DIAPH3: variants seen among roughly 807,000 people sequenced by gnomAD.
DIAPH3 encodes protein diaphanous homolog 3.
In DIAPH3, 117 loss-of-function variants were observed where a neutral mutation model predicts 144.3. The ratio of observed to expected loss-of-function variants is 0.81; its 90% CI spans 0.70 to 0.95. The LOEUF is 0.95. Ranked by LOEUF, DIAPH3 falls within the 40% of genes least tolerant of loss-of-function variation. The probability of loss-of-function intolerance (pLI) is 0.00; values close to 1 mark genes in which losing one functional copy is unlikely to be tolerated. For synonymous variants in DIAPH3, 519 were observed against 488.9 expected, an observed-to-expected ratio of 1.06 and a Z score of -0.81; for missense variants, 1,421 against 1,412.7, an observed-to-expected ratio of 1.01 and a Z score of -0.09.
rs149831521 is a variant in DIAPH3, at chr13:59,756,885, A to C, written c.3319+17304T>G. 2.0e-5 allele frequency among the ~76,000 whole-genome samples: 3 copies of C among 152,340 alleles called. No homozygotes were observed. In the East Asian group the frequency reaches 5.8e-4, roughly 29 times the overall value. Reference sequence around the variant, plus strand: ...AACCTACTCAATGGCAGCATTGAAAAATCATCACAAACAGTAATAATAATT... The same window carrying C: ...AACCTACTCAATGGCAGCATTGAAACATCATCACAAACAGTAATAATAATT... On this transcript the variant is annotated intron_variant, in intron 27 of 27. Coordinates refer to ENST00000400324, the MANE Select transcript of DIAPH3 (RefSeq NM_001042517.2).
At chr13:59,952,587 G>C (rs1878375930) in intron 17 of DIAPH3, among the ~76,000 whole-genome samples, 1 of 152,090 alleles carries the variant, frequency 6.6e-6, no homozygotes, top group Non-Finnish European at 1.5e-5. Context: ...AAAAAAAGGT[G>C]AATCATTTTA....
intron 11 of DIAPH3, among the ~76,000 whole-genome samples, chr13:59,991,733 A>G (rs1241498357): frequency 6.6e-6 from 1 of 152,024 alleles, no homozygotes; most frequent in Non-Finnish European, 1.5e-5. Flanking sequence ...AGATGCAGGG[A>G]AAGAGCAGCC....
chr13:60,128,674 C>T (rs930022854), intron 2 of DIAPH3, among the ~76,000 whole-genome samples: 5 of 152,068 alleles, frequency 3.3e-5, no homozygotes, highest in African/African-American at 1.2e-4. Context: ...AATGCAAAGA[C>T]CTCATGACTT....
chr13:59,854,183 G>A (rs1294642087), intron 22 of DIAPH3, among the ~76,000 whole-genome samples: 1 of 152,064 alleles, frequency 6.6e-6, no homozygotes, highest in East Asian at 1.9e-4. Context: ...CAAGGAACAC[G>A]AAGGACTCTG....
intron 2 of DIAPH3, among the ~76,000 whole-genome samples, chr13:60,126,249 G>A (rs534095457): frequency 2.6e-5 from 4 of 152,124 alleles, no homozygotes; most frequent in South Asian, 2.1e-4. Context: ...AAGTCAAAGG[G>A]GTATGAAATT....
At chr13:59,895,412 C>T (rs1593872654) in intron 20 of DIAPH3, among the ~76,000 whole-genome samples, 1 of 140,240 alleles carries the variant, frequency 7.1e-6, no homozygotes, top group East Asian at 2.1e-4. Context: ...GGATAGGAAA[C>T]TTGATCCAAT....
intron 27 of DIAPH3, among the ~76,000 whole-genome samples, chr13:59,672,015 A>G (rs2032398802): frequency 6.6e-6 from 1 of 152,224 alleles, no homozygotes; most frequent in Non-Finnish European, 1.5e-5. Flanking sequence ...GAGAAACACA[A>G]AAGACACAGG....
chr13:59,942,594 A>G (rs2140390725), intron 17 of DIAPH3, among the ~76,000 whole-genome samples: 1 of 152,304 alleles, frequency 6.6e-6, no homozygotes, highest in South Asian at 2.1e-4. Flanking sequence ...GTTTCCCCAC[A>G]CATTAATACA....
intron 27 of DIAPH3, among the ~76,000 whole-genome samples, chr13:59,738,413 C>G (rs1374734024): frequency 6.6e-6 from 1 of 152,046 alleles, no homozygotes; most frequent in Non-Finnish European, 1.5e-5. Flanking sequence ...TCCAGGGAAA[C>G]AGCGAGCTCT....
intron 1 of DIAPH3, among the ~76,000 whole-genome samples, chr13:60,148,653 A>G (rs372032371): frequency 6.6e-6 from 1 of 152,226 alleles, no homozygotes; most frequent in African/African-American, 2.4e-5. Context: ...AGAAGAGAAG[A>G]ACATGTTAGA....
At chr13:59,824,165 A>T (rs2041239452) in intron 24 of DIAPH3, among the ~76,000 whole-genome samples, 2 of 152,336 alleles carry the variant, frequency 1.3e-5, no homozygotes, top group South Asian at 4.1e-4. Context: ...GCATAAAAAT[A>T]AAAAAGGATA....
intron 22 of DIAPH3, among the ~76,000 whole-genome samples, chr13:59,842,701 T>G (rs1397159738): frequency 6.6e-6 from 1 of 152,110 alleles, no homozygotes; most frequent in South Asian, 2.1e-4. Flanking sequence ...CTCCCTTCCC[T>G]GAAGTTCCAC....
chr13:60,101,722 T>C (rs1037824504), intron 3 of DIAPH3, among the ~76,000 whole-genome samples: 3 of 152,090 alleles, frequency 2.0e-5, no homozygotes, highest in Admixed American at 6.6e-5. Flanking sequence ...CCTGGACCTT[T>C]TCATTATCTA....
intron 3 of DIAPH3, among the ~76,000 whole-genome samples, chr13:60,100,688 G>A (rs1285173710): frequency 2.0e-5 from 3 of 151,478 alleles, no homozygotes; most frequent in Non-Finnish European, 4.4e-5. Context: ...TCAAAATAAA[G>A]AGTTATTTTA....
At position 59,833,088 on chromosome 13, in the gene DIAPH3, A is replaced by T; in HGVS notation, c.3027+19T>A. ...GTATAAATAAAAAAACTTTTTAAAA[A>T]ACAATTTTTTTACCATACCATGAAT... On this transcript the variant is annotated intron_variant, in intron 24 of 27. Coordinates refer to ENST00000400324, the MANE Select transcript of DIAPH3 (RefSeq NM_001042517.2). The T allele has an allele frequency of 6.2e-7, 1 of 1,600,602 alleles. No homozygotes were observed. The highest frequency in any genetic ancestry group is 1.1e-5 in the South Asian group (1 of 89,256).
intron 1 of DIAPH3, among the ~76,000 whole-genome samples, chr13:60,134,927 TAAGA>T (rs2059230876): frequency 6.6e-6 from 1 of 151,896 alleles, no homozygotes; most frequent in Admixed American, 6.5e-5. Context: ...TTTTAAAAAG[TAAGA>T]GTAAAAGACA....
At chr13:60,065,346 CTACAACTATTATAA>C (rs1441245988) in intron 4 of DIAPH3, among the ~76,000 whole-genome samples, 3 of 146,630 alleles carry the variant, frequency 2.0e-5, no homozygotes, top group Admixed American at 1.4e-4. Context: ...AATAGTAAAA[CTACAACTATTATAA>C]TACAACTATT....
At position 60,080,369 on chromosome 13, in the gene DIAPH3, T is replaced by C. The variant is rs377150845; in HGVS notation, c.495+13259A>G. 4.7e-4 allele frequency among the ~76,000 whole-genome samples: 72 copies of C among 152,046 alleles called. 1 individual carries two copies. In the South Asian group the frequency reaches 0.015, roughly 31 times the overall value. On this transcript the variant is annotated intron_variant, in intron 4 of 27. Coordinates refer to ENST00000400324, the MANE Select transcript of DIAPH3 (RefSeq NM_001042517.2). ...AATTGATGAGTTTAATTACTTAATG[T>C]GCACAGATCAATTAGAAATAAATTG... is the stretch of plus-strand genomic sequence containing the variant.
intron 22 of DIAPH3, among the ~76,000 whole-genome samples, chr13:59,858,418 A>G (rs1484411174): frequency 3.3e-5 from 5 of 152,140 alleles, no homozygotes; most frequent in African/African-American, 1.2e-4. Context: ...ATCACTCAAT[A>G]AAGGCTTGTT....
Sources: allele counts gnomAD v4.1 joint callset (sites outside exome capture counted in the v4.1 genomes callset), GRCh38; gene constraint gnomAD v4.1.1; transcripts MANE v1.5; gene names NCBI Gene and HGNC (gene_info 2026-07-23, HGNC 2026-07-21).